VWC2: variants seen among roughly 807,000 people sequenced by gnomAD.
The protein encoded by VWC2 is brorin.
In VWC2, 14 loss-of-function variants were observed where a neutral mutation model predicts 29.8. The ratio of observed to expected loss-of-function variants is 0.47; its 90% CI spans 0.31 to 0.74. VWC2 has a LOEUF of 0.74. VWC2 is among the 30% of genes least tolerant of loss of function. The pLI, the probability that VWC2 is intolerant of heterozygous loss-of-function variation, is 0.05. For missense variants in VWC2, 457 were observed against 459.8 expected (o/e 0.99, Z 0.05); for synonymous variants, 213 against 199.0 (o/e 1.07, Z -0.59).
rs2128745107 is a variant in VWC2 at position 49,916,596 on chromosome 7, C to T, written c.*4411C>T. On this transcript the variant is annotated 3_prime_UTR_variant, in exon 4 of 4. Transcript: ENST00000340652. ...CTGCTTCTTCTATTATTTACAAATC[C>T]CTTTAGTTTGGGCTGTGAAATATTC... 1 of 152,180 alleles carries T rather than the reference C, an allele frequency of 6.6e-6. No individual in the cohort carries two copies. Among genetic ancestry groups the T allele is most frequent in the African/African-American group, 2.4e-5 (1 of 41,526 alleles). The allele number at this position is 152,180 out of a possible 1,614,324, so 9.4% of individuals were successfully genotyped here.
In VWC2 at chr7:49,916,980, C is replaced by T. The variant is rs1315572080; in HGVS notation, c.*4795C>T. ...GTTGATTGTATTGAAGAGACACTGGCCCTTTATGATAAAGGAAGTCAAGTT... is the reference window on the plus strand; with the variant it reads ...GTTGATTGTATTGAAGAGACACTGGTCCTTTATGATAAAGGAAGTCAAGTT... On this transcript the variant is annotated 3_prime_UTR_variant, in exon 4 of 4. Coordinates refer to ENST00000340652, the MANE Select transcript of VWC2 (RefSeq NM_198570.5). 1 of 152,150 alleles carries T rather than the reference C, an allele frequency of 6.6e-6. No individual in the cohort carries two copies. The highest frequency in any genetic ancestry group is 1.5e-5 in the Non-Finnish European group (1 of 68,026). 9.4% of individuals were successfully genotyped at this position (152,150 alleles called of 1,614,324 possible).
intron 2 of VWC2, among the ~76,000 whole-genome samples, chr7:49,778,227 A>G (rs1788093081): frequency 3.9e-5 from 6 of 152,144 alleles, no homozygotes. Flanking sequence ...GTCCATAGGT[A>G]GAATGTGTTT....
chr7:49,830,591 CT>C (rs1789503179), intron 3 of VWC2, among the ~76,000 whole-genome samples: 1 of 152,064 alleles, frequency 6.6e-6, no homozygotes, highest in African/African-American at 2.4e-5. Context: ...CATATGTATA[CT>C]TGTGCCATGT....
At position 49,817,618 on chromosome 7, in the gene VWC2, T is replaced by C. The variant is rs543575469; in HGVS notation, c.826+14778T>C. Among the ~76,000 whole-genome samples the C allele has an allele frequency of 2.0e-5, 3 of 152,334 alleles. No individual in the cohort carries two copies. In the East Asian group the frequency reaches 5.8e-4, roughly 29 times the overall value. ...CACTAACAGCAAAACCCAAACCTTT[T>C]ATTTGTCTTTCAGGAAGATAAACTT... On this transcript the variant is annotated intron_variant, in intron 3 of 3. Coordinates refer to ENST00000340652, the MANE Select transcript of VWC2 (RefSeq NM_198570.5).
chr7:49,824,632 T>C (rs989911612), intron 3 of VWC2, among the ~76,000 whole-genome samples: 1 of 152,220 alleles, frequency 6.6e-6, no homozygotes, highest in African/African-American at 2.4e-5. Flanking sequence ...ATTTACAGAT[T>C]AATTTTGGAA....
intron 2 of VWC2, among the ~76,000 whole-genome samples, chr7:49,797,197 AACTC>A (rs1788612266): frequency 3.9e-5 from 6 of 152,286 alleles, no homozygotes; most frequent in African/African-American, 1.4e-4. Context: ...TGCTAGTCAT[AACTC>A]TGAGTAGTTG....
chr7:49,799,441 G>T (rs1788683476), intron 2 of VWC2, among the ~76,000 whole-genome samples: 1 of 152,244 alleles, frequency 6.6e-6, no homozygotes. Flanking sequence ...CAGGGCACCT[G>T]GCTGGCATCT....
chr7:49,877,481 A>AAATATACATATATAT, intron 3 of VWC2, among the ~76,000 whole-genome samples: 1 of 12,722 alleles, frequency 7.9e-5, no homozygotes, highest in African/African-American at 2.8e-4. Flanking sequence ...AAAAAAAAAA[A>AAATATACATATATAT]ATATATATAT....
At chr7:49,820,779 A>G (rs1204563379) in intron 3 of VWC2, among the ~76,000 whole-genome samples, 1 of 152,186 alleles carries the variant, frequency 6.6e-6, no homozygotes. Context: ...AAACACAGAA[A>G]TCTAGCACCT....
chr7:49,777,173 C>T (rs1017151059), intron 2 of VWC2, among the ~76,000 whole-genome samples: 2 of 152,192 alleles, frequency 1.3e-5, no homozygotes, highest in Non-Finnish European at 2.9e-5. Context: ...AGCCCATTGA[C>T]TTACCAGGCC....
Position 49,780,450 on chromosome 7 carries a change from A to G in VWC2, c.696+4319A>G, listed in dbSNP as rs531404866. ...AAAAAAAATCATTCTATTTTGCTCA[A>G]CAAAACAAGTTGTTTTCATCATGGG... On this transcript the variant is annotated intron_variant, in intron 2 of 3. Transcript: ENST00000340652. Among the ~76,000 whole-genome samples, 11 of 152,334 alleles carry G rather than the reference A, an allele frequency of 7.2e-5. No individual in the cohort carries two copies. The South Asian group carries it at 2.1e-3, about 29-fold the overall frequency.
chr7:49,782,381 A>G (rs1168838418), intron 2 of VWC2, among the ~76,000 whole-genome samples: 2 of 152,170 alleles, frequency 1.3e-5, no homozygotes, highest in Non-Finnish European at 2.9e-5. Context: ...TTAGGAAAGC[A>G]GGTCCCATGC....
chr7:49,784,704 A>G (rs1010457585), intron 2 of VWC2, among the ~76,000 whole-genome samples: 15 of 152,220 alleles, frequency 9.9e-5, no homozygotes, highest in African/African-American at 3.4e-4. Context: ...TTACCCTCTT[A>G]TGGATGTGGA....
At chr7:49,786,929 C>T (rs953819011) in intron 2 of VWC2, among the ~76,000 whole-genome samples, 1 of 152,168 alleles carries the variant, frequency 6.6e-6, no homozygotes, top group African/African-American at 2.4e-5. Flanking sequence ...TGTAGACTGT[C>T]TGTTTACTCT....
chr7:49,818,848 A>G (rs550634996), intron 3 of VWC2, among the ~76,000 whole-genome samples: 1 of 148,288 alleles, frequency 6.7e-6, no homozygotes, highest in African/African-American at 2.5e-5. Context: ...TATATATCAT[A>G]TATATTCAAT....
intron 3 of VWC2, among the ~76,000 whole-genome samples, chr7:49,906,042 G>A (rs981874598): frequency 6.6e-6 from 1 of 152,182 alleles, no homozygotes; most frequent in Non-Finnish European, 1.5e-5. Flanking sequence ...TTGACTCCCT[G>A]TTTAGCATAT....
At chr7:49,819,405 T>A (rs1352008863) in intron 3 of VWC2, among the ~76,000 whole-genome samples, 2 of 152,238 alleles carry the variant, frequency 1.3e-5, no homozygotes, top group African/African-American at 2.4e-5. Context: ...CTTGCTCATT[T>A]CACACTGCAT....
chr7:49,794,163 GC>G, intron 2 of VWC2, among the ~76,000 whole-genome samples: 1 of 152,232 alleles, frequency 6.6e-6, no homozygotes, highest in Non-Finnish European at 1.5e-5. Context: ...CCAAACCAAA[GC>G]CCTTTTGCCC....
chr7:49,838,320 G>C (rs1789712369), intron 3 of VWC2, among the ~76,000 whole-genome samples: 1 of 152,170 alleles, frequency 6.6e-6, no homozygotes, highest in Non-Finnish European at 1.5e-5. Flanking sequence ...CACATAATGA[G>C]ACTTATCTAT....
Sources: allele counts gnomAD v4.1 joint callset (sites outside exome capture counted in the v4.1 genomes callset), GRCh38; gene constraint gnomAD v4.1.1; transcripts MANE v1.5; gene names NCBI Gene and HGNC (gene_info 2026-07-23, HGNC 2026-07-21).